The following NEB variants were observed in gnomAD, a reference collection of about 807,000 sequenced individuals.
NEB encodes nemaline myopathy type 2.
Under a neutral mutation model 952.2 loss-of-function variants are expected in NEB, and 512 were observed. The ratio of observed to expected loss-of-function variants is 0.54; its 90% confidence interval spans 0.50 to 0.58. NEB has a LOEUF of 0.58. Among genes scored for constraint, NEB ranks in the 20% least tolerant of loss-of-function variants. The probability of loss-of-function intolerance (pLI) is 0.00; values close to 1 mark genes in which losing one functional copy is unlikely to be tolerated. For synonymous variants in NEB, 2,900 were observed against 3,149.8 expected (o/e 0.92, Z 2.66); for missense variants, 8,428 against 9,231.1 (o/e 0.91, Z 3.56).
intron 61 of NEB, 112 bp from the exon 62 acceptor site, chr2:151,640,172 C>A: frequency 6.9e-7 from 1 of 1,459,804 alleles, no homozygotes; most frequent in Non-Finnish European, 9.4e-7. Flanking sequence ...GGTGGACGGG[C>A]CAGGTATCAC....
intron 58 of NEB, 54 bp downstream of exon 58, chr2:151,643,096 T>C: frequency 6.6e-7 from 1 of 1,519,262 alleles, no homozygotes; most frequent in Admixed American, 1.7e-5. Flanking sequence ...CAGACTTCAG[T>C]GTTTCCATAA....
chr2:151,529,596 T>A (rs1339532995), intron 145 of NEB, among the ~76,000 whole-genome samples: 5 of 151,830 alleles, frequency 3.3e-5, no homozygotes, highest in Admixed American at 3.3e-4. Context: ...AATGGTGTGA[T>A]CTCAGCTCAC....
intron 5 of NEB, 141 bp from the exon 6 acceptor site, chr2:151,725,701 A>G: frequency 1.7e-6 from 1 of 600,722 alleles, no homozygotes; most frequent in Non-Finnish European, 2.9e-6. Flanking sequence ...CCCTACCCCA[A>G]CTCTCAGCAA....
rs2154157996 is a variant in NEB at position 151,659,182 on chromosome 2, C to A, written c.5971-13G>T. 3.2e-6 allele frequency: 5 copies of A among 1,564,020 alleles called. No individual in the cohort carries two copies. Among genetic ancestry groups the A allele is most frequent in the Non-Finnish European group, 3.5e-6 (4 of 1,135,082 alleles). On this transcript the variant is annotated splice_polypyrimidine_tract_variant and intron_variant, in intron 46 of 181. Coordinates refer to ENST00000397345, the MANE Select transcript of NEB (RefSeq NM_001164508.2). The stretch of plus-strand genomic sequence containing the variant: ...GTTTGTAGAGATGCTAGGAAAAAAA[C>A]AGTGTAAATTAGTGTTTAAAATCTT...
At chr2:151,577,457 AG>A (rs1204853424) in intron 105 of NEB, among the ~76,000 whole-genome samples, 25 of 152,200 alleles carry the variant, frequency 1.6e-4, no homozygotes, top group African/African-American at 6.0e-4. Context: ...GTGCCTTCTC[AG>A]AAGAACTTTC....
chr2:151,632,659 G>C lies in NEB; in HGVS notation c.9414+995C>G, dbSNP rs2098692209. 3.4e-5 allele frequency among the ~76,000 whole-genome samples: 5 copies of C among 145,598 alleles called. No homozygotes were observed. The Admixed American group carries it at 3.5e-4, about 10-fold the overall frequency. On this transcript the variant is annotated intron_variant, in intron 65 of 181. Transcript: ENST00000397345. ...CCACTGCACTCCAGCCTGGGCGACA[G>C]AGGGAGACTCTGTCTCAGAAAAAAA...
At chr2:151,524,020 A>T (rs111701283) in intron 153 of NEB, among the ~76,000 whole-genome samples, 6 of 152,142 alleles carry the variant, frequency 3.9e-5, no homozygotes, top group African/African-American at 1.2e-4. Flanking sequence ...GCCTGGGGAG[A>T]GGTTCCAGTA....
intron 67 of NEB, among the ~76,000 whole-genome samples, chr2:151,630,347 C>T (rs1426212623): frequency 6.6e-6 from 1 of 152,164 alleles, no homozygotes; most frequent in Non-Finnish European, 1.5e-5. Context: ...CCCCTTTACT[C>T]TCTCTGCCCT....
intron 32 of NEB, among the ~76,000 whole-genome samples, chr2:151,679,131 G>A (rs978075870): frequency 2.0e-5 from 3 of 152,078 alleles, no homozygotes; most frequent in African/African-American, 7.2e-5. Context: ...TCATGGGGAG[G>A]GGGATTCCAC....
At chr2:151,634,734 A>G (rs1185585498) in intron 64 of NEB, among the ~76,000 whole-genome samples, 1 of 152,108 alleles carries the variant, frequency 6.6e-6, no homozygotes, top group Non-Finnish European at 1.5e-5. Context: ...ATTTATTATT[A>G]TTATTATTAT....
chr2:151,694,925 C>A (rs987454744), intron 18 of NEB, among the ~76,000 whole-genome samples: 8 of 152,124 alleles, frequency 5.3e-5, no homozygotes, highest in Non-Finnish European at 8.8e-5. Context: ...ATATATTCTA[C>A]AGTTAACTTA....
rs1433359309 is a variant in NEB at position 151,656,172 on chromosome 2, A to C, written c.6476T>G (p.Met2159Arg). The C allele has an allele frequency of 3.1e-6, 5 of 1,597,184 alleles. No homozygotes were observed. The East Asian group carries it at 1.1e-4, about 36-fold the overall frequency. ...CCTTACATCACTCTGTATGCGATTC[A>C]TATTCCTGGTCAGCTCAATGTTCAT... ...DAMNIELTRN[M>R]NRIQSDNEYK... The change falls in exon 49 of 182, where the codon ATG becomes AGG. Residue 2159 changes from methionine to arginine, a missense_variant. Physicochemically the swap from Met to Arg is moderately conservative, Grantham distance 91. Around this residue, in one of 11 missense-constraint regions of NEB, gnomAD observed 2,851 missense variants for 2,791.5 expected, o/e 1.02. Coordinates refer to ENST00000397345, the MANE Select transcript of NEB (RefSeq NM_001164508.2).
intron 9 of NEB, 97 bp from the exon 10 acceptor site, chr2:151,717,617 C>T: frequency 1.1e-6 from 1 of 891,700 alleles, no homozygotes. Context: ...ATAATTTGTC[C>T]TAGATGTTAC....
chr2:151,577,751 G>A (rs1265250657), intron 105 of NEB, among the ~76,000 whole-genome samples: 1 of 152,062 alleles, frequency 6.6e-6, no homozygotes, highest in Non-Finnish European at 1.5e-5. Flanking sequence ...GCTAATTTTT[G>A]TGTTTTTAGT....
Position 151,576,185 on chromosome 2 carries a change from A to T in NEB, c.16874T>A (p.Val5625Asp). 6.2e-7 allele frequency: 1 copy of T among 1,604,754 alleles called. No homozygotes were observed. The highest frequency in any genetic ancestry group is 8.5e-7 in the Non-Finnish European group (1 of 1,174,056). ...ATTTTCAGCATTTGATTTAGCAAGG[A>T]CCACTTCAGGTGTGTCAACAATGCT... The part of the protein sequence containing the change: ...YTSIVDTPEV[V>D]LAKSNAENIS... The change falls in exon 106 of 182, where the codon GTC (valine) becomes GAC (aspartate). Residue 5625 changes from valine (V) to aspartate (D), a missense_variant. This residue lies in a region of NEB where 3,374 missense variants were observed against 3,651.5 expected (regional missense o/e 0.92). Transcript: ENST00000397345.
At chr2:151,560,385 T>TG (rs757705479) in intron 124 of NEB, among the ~76,000 whole-genome samples, 3 of 152,168 alleles carry the variant, frequency 2.0e-5, no homozygotes, top group Non-Finnish European at 4.4e-5. Context: ...TGCAAGTGCT[T>TG]GTGATTCTCT....
chr2:151,538,491 A>G (rs2093571634), intron 138 of NEB, among the ~76,000 whole-genome samples: 2 of 152,306 alleles, frequency 1.3e-5, no homozygotes, highest in South Asian at 4.1e-4. Flanking sequence ...TGGCAAATCT[A>G]CGATGGTGAT....
chr2:151,491,197 AT>A (rs1270956557), intron 179 of NEB: 30 of 157,022 alleles, frequency 1.9e-4, no homozygotes, highest in South Asian at 9.4e-4. Context: ...CTCGCGGCTA[AT>A]TTTTTTTTAC....
intron 3 of NEB, 80 bp from the exon 4 acceptor site, chr2:151,729,736 G>A (rs2099801134): frequency 1.4e-6 from 2 of 1,398,052 alleles, no homozygotes; most frequent in East Asian, 4.6e-5. Flanking sequence ...AACCACTTAG[G>A]TGACTGCACT....
Sources: allele counts gnomAD v4.1 joint callset (sites outside exome capture counted in the v4.1 genomes callset), GRCh38; gene constraint gnomAD v4.1.1; regional missense constraint gnomAD v4.1.1; transcripts MANE v1.5; gene names NCBI Gene and HGNC (gene_info 2026-07-23, HGNC 2026-07-21).